FHIP1A: variants seen among roughly 807,000 people sequenced by gnomAD.
FHIP1A encodes FHF complex subunit HOOK interacting protein 1A.
In FHIP1A, 61 loss-of-function variants were observed where a neutral mutation model predicts 88.6. The observed-to-expected ratio is 0.69, with a 90% CI of 0.56 to 0.85. The LOEUF is 0.85. FHIP1A is among the 40% of genes least tolerant of loss of function. The pLI, the probability that FHIP1A is intolerant of heterozygous loss-of-function variation, is 0.00. For synonymous variants in FHIP1A, 478 were observed against 496.0 expected (o/e 0.96, Z 0.48); for missense variants, 1,154 against 1,273.5 (o/e 0.91, Z 1.43).
chr4:151,656,937 C>T lies in FHIP1A; in HGVS notation c.2869+39C>T. On this transcript the variant is annotated intron_variant, in intron 13 of 13. Coordinates refer to ENST00000435205, the MANE Select transcript of FHIP1A (RefSeq NM_001109977.3). This position sits in a 1 kb window ranked among gnomAD's most constrained non-coding sequence, Gnocchi z 4.2. ...CTCCACAGCGCCCCTCCTTAAATTCCTCCTCCACGTCCCTGGCCTACTGGC... is the reference window on the plus strand; with the variant it reads ...CTCCACAGCGCCCCTCCTTAAATTCTTCCTCCACGTCCCTGGCCTACTGGC... 1 of 1,530,122 alleles carries T rather than the reference C, an allele frequency of 6.5e-7. No homozygotes were observed. Among genetic ancestry groups the T allele is most frequent in the Non-Finnish European group, 8.8e-7 (1 of 1,134,084 alleles). 94.8% of individuals were successfully genotyped at this position (1,530,122 alleles called of 1,614,324 possible). A position where few individuals can be genotyped will look rare whatever the true frequency, so the allele number is the denominator to read the frequency against.
chr4:151,543,433 A>C (rs150082948), intron 3 of FHIP1A, among the ~76,000 whole-genome samples: 1 of 152,318 alleles, frequency 6.6e-6, no homozygotes, highest in African/African-American at 2.4e-5. Flanking sequence ...TGTATCCTGC[A>C]GTCCTGTATA....
chr4:151,542,701 G>A (rs1375489894), intron 3 of FHIP1A, among the ~76,000 whole-genome samples: 3 of 152,132 alleles, frequency 2.0e-5, no homozygotes, highest in African/African-American at 7.2e-5. Context: ...CATGAACTCT[G>A]TCAGTGGCAG....
chr4:151,430,650 G>A (rs889783946), intron 1 of FHIP1A, among the ~76,000 whole-genome samples: 6 of 152,146 alleles, frequency 3.9e-5, no homozygotes, highest in African/African-American at 1.4e-4. Context: ...TTAATCTGTG[G>A]GAACACTTTT....
chr4:151,562,146 T>C (rs1015857589), intron 3 of FHIP1A, among the ~76,000 whole-genome samples: 1 of 152,172 alleles, frequency 6.6e-6, no homozygotes. Flanking sequence ...GTTGGGACTT[T>C]AAATTTTTAG....
chr4:151,454,404 G>A (rs1025232181), intron 1 of FHIP1A, among the ~76,000 whole-genome samples: 2 of 152,132 alleles, frequency 1.3e-5, no homozygotes, highest in Non-Finnish European at 2.9e-5. Flanking sequence ...AACAAGCTAT[G>A]CCAAAATGCA....
intron 3 of FHIP1A, among the ~76,000 whole-genome samples, chr4:151,489,168 C>A (rs1730190502): frequency 6.6e-6 from 1 of 152,176 alleles, no homozygotes; most frequent in Non-Finnish European, 1.5e-5. Flanking sequence ...ACCTGAAAAT[C>A]CTGAAAATCC....
chr4:151,585,471 C>T (rs750955684), intron 5 of FHIP1A, among the ~76,000 whole-genome samples: 13 of 152,174 alleles, frequency 8.5e-5, no homozygotes, highest in Admixed American at 2.0e-4. Context: ...GAGCCACCAC[C>T]CCTGGCCCCA....
chr4:151,574,925 T>C (rs1733727992), intron 4 of FHIP1A, among the ~76,000 whole-genome samples: 1 of 152,196 alleles, frequency 6.6e-6, no homozygotes, highest in Admixed American at 6.5e-5. Context: ...TTTTTTTCAT[T>C]ATTGGAAAAT....
intron 3 of FHIP1A, among the ~76,000 whole-genome samples, chr4:151,542,860 C>T (rs1732348677): frequency 6.6e-6 from 1 of 152,180 alleles, no homozygotes; most frequent in African/African-American, 2.4e-5. Flanking sequence ...GGAAGGCAAC[C>T]TCTCTGTGCC....
chr4:151,571,457 A>G (rs545198812), intron 4 of FHIP1A, among the ~76,000 whole-genome samples: 1 of 152,298 alleles, frequency 6.6e-6, no homozygotes, highest in East Asian at 1.9e-4. Context: ...AAAAAACAGA[A>G]CCATCTAGAT....
Position 151,663,898 on chromosome 4 carries a change from G to A in FHIP1A, c.*1144G>A, listed in dbSNP as rs928183269. 1.3e-5 allele frequency among the ~76,000 whole-genome samples: 2 copies of A among 152,130 alleles called. No homozygotes were observed. Among genetic ancestry groups the A allele is most frequent in the African/African-American group, 4.8e-5 (2 of 41,430 alleles). ...GGAAATGCTGCCTTCCGAGTAATGG[G>A]GTTCATTAGAAGGCCCCAACGTGCT... On this transcript the variant is annotated 3_prime_UTR_variant, in exon 14 of 14. Coordinates refer to ENST00000435205, the MANE Select transcript of FHIP1A (RefSeq NM_001109977.3).
intron 2 of FHIP1A, among the ~76,000 whole-genome samples, chr4:151,466,678 A>G (rs925050268): frequency 1.3e-5 from 2 of 152,214 alleles, no homozygotes; most frequent in African/African-American, 2.4e-5. Context: ...ATAATGCCAC[A>G]CATCTACAAC....
Position 151,578,055 on chromosome 4 carries a change from G to A in FHIP1A, c.711G>A (p.Val237=), listed in dbSNP as rs968789538. ...ACACCATGGTGGCCCATCACATCGT[G>A]GAGAACACCTACTTTTGTCCAGTAA... ...AENTMVAHHI[V]ENTYFCPVLA... is the part of the protein sequence containing the mutation. Residue 237 remains valine (V), a synonymous_variant, in exon 5 of 14, where the codon GTG becomes GTA. Coordinates refer to ENST00000435205, the MANE Select transcript of FHIP1A (RefSeq NM_001109977.3). The A allele has an allele frequency of 6.4e-7, 1 of 1,550,388 alleles. No individual in the cohort carries two copies. Among genetic ancestry groups the A allele is most frequent in the Non-Finnish European group, 8.7e-7 (1 of 1,146,718 alleles).
At chr4:151,477,013 C>T (rs573072505) in intron 2 of FHIP1A, among the ~76,000 whole-genome samples, 1 of 152,276 alleles carries the variant, frequency 6.6e-6, no homozygotes, top group Admixed American at 6.5e-5. Context: ...AAGGTCCCAT[C>T]ATATTCTTGG....
Position 151,649,949 on chromosome 4 carries a change from G to A in FHIP1A, c.1908G>A (p.Ser636=), listed in dbSNP as rs191066798. ...LLFKGSYIEE[S]DFQDDVMVYR... The stretch of plus-strand genomic sequence containing the variant: ...TCAAAGGGTCCTACATAGAAGAGTC[G>A]GACTTTCAGGATGATGTGATGGTGT... Residue 636 remains serine, a synonymous_variant, in exon 11 of 14, where the codon TCG becomes TCA. Transcript: ENST00000435205. The A allele has an allele frequency of 8.5e-5, 132 of 1,551,532 alleles. 1 individual carries two copies. The East Asian group carries it at 2.2e-3, about 25-fold the overall frequency.
chr4:151,443,248 T>C (rs1449283537), intron 1 of FHIP1A, among the ~76,000 whole-genome samples: 1 of 152,110 alleles, frequency 6.6e-6, no homozygotes, highest in African/African-American at 2.4e-5. Flanking sequence ...CTGTGAGCTA[T>C]GATCACACCA....
At chr4:151,633,671 A>C (rs1424559733) in intron 8 of FHIP1A, among the ~76,000 whole-genome samples, 2 of 151,996 alleles carry the variant, frequency 1.3e-5, no homozygotes, top group Non-Finnish European at 2.9e-5. Flanking sequence ...AGTCAGTGTA[A>C]TATACCACAT....
At chr4:151,511,316 G>T (rs1488617332) in intron 3 of FHIP1A, among the ~76,000 whole-genome samples, 1 of 152,194 alleles carries the variant, frequency 6.6e-6, no homozygotes, top group African/African-American at 2.4e-5. Context: ...CAAGATGGCC[G>T]AATAGGAACC....
chr4:151,526,237 A>T (rs1423751182), intron 3 of FHIP1A, among the ~76,000 whole-genome samples: 2 of 151,814 alleles, frequency 1.3e-5, no homozygotes, highest in Admixed American at 1.3e-4. Flanking sequence ...CAAAACCGCC[A>T]TTGTCATCAT....
Sources: allele counts gnomAD v4.1 joint callset (sites outside exome capture counted in the v4.1 genomes callset), GRCh38; gene constraint gnomAD v4.1.1; non-coding constraint Gnocchi (gnomAD v3.1); transcripts MANE v1.5; gene names NCBI Gene and HGNC (gene_info 2026-07-23, HGNC 2026-07-21).